The following TNKS variants were observed in gnomAD, a reference collection of about 807,000 sequenced individuals.
TNKS encodes tankyrase.
Under a neutral mutation model 135.8 loss-of-function variants are expected in TNKS, and 72 were observed. That is an observed-to-expected ratio of 0.53 (90% CI 0.44 to 0.64). TNKS has a LOEUF of 0.64. Among genes scored for constraint, TNKS ranks in the 30% least tolerant of loss-of-function variants. The pLI, the probability that TNKS is intolerant of heterozygous loss-of-function variation, is 0.00. For synonymous variants in TNKS, 849 were observed against 649.3 expected (o/e 1.31, Z -4.68); for missense variants, 1,769 against 1,674.0 (o/e 1.06, Z -0.99).
intron 18 of TNKS, among the ~76,000 whole-genome samples, chr8:9,750,733 G>C (rs1240932109): frequency 6.6e-6 from 1 of 152,190 alleles, no homozygotes; most frequent in Non-Finnish European, 1.5e-5. Flanking sequence ...CAAACCCACT[G>C]AGGGTTTAAC....
At chr8:9,755,635 G>A (rs570347361) in intron 20 of TNKS, among the ~76,000 whole-genome samples, 2 of 152,298 alleles carry the variant, frequency 1.3e-5, no homozygotes, top group East Asian at 3.9e-4. Flanking sequence ...AATATGTGAT[G>A]ATGGTCAATG....
chr8:9,686,448 A>G (rs552892116), intron 5 of TNKS, among the ~76,000 whole-genome samples: 1 of 152,186 alleles, frequency 6.6e-6, no homozygotes, highest in Non-Finnish European at 1.5e-5. Flanking sequence ...CAGGTAATTC[A>G]CTGCTGTTGG....
rs150060029 is a variant in TNKS at position 9,769,526 on chromosome 8, T to C, written c.3741-580T>C. 3.1e-3 allele frequency among the ~76,000 whole-genome samples: 469 copies of C among 152,158 alleles called. 3 individuals are homozygous for C. Among genetic ancestry groups the C allele is most frequent in the African/African-American group, 0.01 (435 of 41,508 alleles). On this transcript the variant is annotated intron_variant, in intron 25 of 26. Transcript: ENST00000310430. ...TTCCATCAGCTTATTTTCTTCACTT[T>C]CCACCTACCCATCCATGCAAGGGCT...
intron 3 of TNKS, among the ~76,000 whole-genome samples, chr8:9,632,761 A>G (rs1800342515): frequency 1.3e-5 from 2 of 151,910 alleles, no homozygotes; most frequent in Admixed American, 6.6e-5. Context: ...ATGGAGTCTC[A>G]CTCTGTCGCC....
chr8:9,698,295 T>G (rs1404354035), intron 5 of TNKS, among the ~76,000 whole-genome samples: 5 of 149,112 alleles, frequency 3.4e-5, no homozygotes, highest in African/African-American at 1.2e-4. Flanking sequence ...TTGGGTACCA[T>G]GCTCACTACT....
chr8:9,594,251 C>T (rs57000316), intron 2 of TNKS, among the ~76,000 whole-genome samples: 13,035 of 152,108 alleles, frequency 0.086, 619 homozygotes, highest in South Asian at 0.17. Context: ...TTCTTAACAG[C>T]ATTATTAGAA....
chr8:9,567,872 C>T (rs941178093), intron 1 of TNKS, among the ~76,000 whole-genome samples: 3 of 151,934 alleles, frequency 2.0e-5, no homozygotes, highest in Non-Finnish European at 2.9e-5. Flanking sequence ...TATGTAATGC[C>T]ACTGAACTCT....
intron 5 of TNKS, among the ~76,000 whole-genome samples, chr8:9,682,706 A>G (rs1029204361): frequency 1.3e-5 from 2 of 152,088 alleles, no homozygotes; most frequent in East Asian, 1.9e-4. Flanking sequence ...CTTGATAAAC[A>G]TAATTTTATC....
chr8:9,759,316 A>G (rs1807018586), intron 20 of TNKS, among the ~76,000 whole-genome samples: 1 of 152,198 alleles, frequency 6.6e-6, no homozygotes, highest in African/African-American at 2.4e-5. Context: ...CCTAATGTAA[A>G]AAGTAATTTC....
intron 17 of TNKS, among the ~76,000 whole-genome samples, chr8:9,740,055 TAAAAAAAAAAAAA>T (rs58285747): frequency 6.9e-5 from 6 of 87,450 alleles, no homozygotes; most frequent in East Asian, 3.6e-4. Flanking sequence ...TAGAGTATAA[TAAAAAAAAAAAAA>T]AAAAAAAAAA....
intron 3 of TNKS, among the ~76,000 whole-genome samples, chr8:9,676,341 T>G (rs907105336): frequency 1.3e-5 from 2 of 152,150 alleles, no homozygotes; most frequent in Non-Finnish European, 2.9e-5. Flanking sequence ...TCTCATTGCT[T>G]TAAGAATTTG....
intron 1 of TNKS, among the ~76,000 whole-genome samples, chr8:9,568,986 T>C (rs1195846502): frequency 2.0e-5 from 3 of 152,238 alleles, no homozygotes; most frequent in Non-Finnish European, 4.4e-5. Flanking sequence ...TTCTTGAAGC[T>C]GTGCAGATAT....
chr8:9,700,495 C>A (rs146347462), intron 5 of TNKS, among the ~76,000 whole-genome samples: 1 of 152,148 alleles, frequency 6.6e-6, no homozygotes, highest in Non-Finnish European at 1.5e-5. Flanking sequence ...TAGTGCCATA[C>A]GTGTAAGTCT....
chr8:9,780,797 T>C lies in TNKS; in HGVS notation c.*4061T>C, dbSNP rs111986298. 45 of 152,320 alleles carry C rather than the reference T, an allele frequency of 3.0e-4. No homozygotes were observed. Among genetic ancestry groups the C allele is most frequent in the African/African-American group, 9.9e-4 (41 of 41,572 alleles). 9.4% of individuals were successfully genotyped at this position (152,320 alleles called of 1,614,324 possible). A position where few individuals can be genotyped will look rare whatever the true frequency, so the allele number is the denominator to read the frequency against. On this transcript the variant is annotated 3_prime_UTR_variant, in exon 27 of 27. Transcript: ENST00000310430. ...TCATCTTATTTTATGATGGTATATT[T>C]CATAAGTAATATTCCCTTACATGCA...
At chr8:9,762,153 C>A (rs971321654) in intron 21 of TNKS, among the ~76,000 whole-genome samples, 2 of 152,188 alleles carry the variant, frequency 1.3e-5, no homozygotes, top group African/African-American at 4.8e-5. Context: ...TCCTCCCTCC[C>A]ACATGACTGT....
At chr8:9,639,720 G>T (rs547126530) in intron 3 of TNKS, among the ~76,000 whole-genome samples, 1 of 152,100 alleles carries the variant, frequency 6.6e-6, no homozygotes, top group Non-Finnish European at 1.5e-5. Flanking sequence ...ATGAGTTCTT[G>T]TTATCTTAGG....
At chr8:9,638,466 A>T (rs113932748) in intron 3 of TNKS, among the ~76,000 whole-genome samples, 9 of 152,370 alleles carry the variant, frequency 5.9e-5, no homozygotes, top group African/African-American at 2.2e-4. Flanking sequence ...ATGCCCATGC[A>T]GCTGCATCCA....
At chr8:9,590,494 T>C (rs1321012162) in intron 2 of TNKS, among the ~76,000 whole-genome samples, 1 of 152,202 alleles carries the variant, frequency 6.6e-6, no homozygotes, top group Non-Finnish European at 1.5e-5. Context: ...TACTTGTTTG[T>C]TTGCCATCTG....
At chr8:9,646,548 C>T (rs1433232277) in intron 3 of TNKS, among the ~76,000 whole-genome samples, 2 of 151,836 alleles carry the variant, frequency 1.3e-5, no homozygotes, top group Non-Finnish European at 2.9e-5. Context: ...TGGTGACTTC[C>T]CTAATCTCAT....
Sources: gnomAD v4.1 joint callset for allele counts (sites outside exome capture counted in the v4.1 genomes callset) on GRCh38, gnomAD v4.1.1 for gene constraint, MANE v1.5 for transcripts, NCBI Gene and HGNC (gene_info 2026-07-23, HGNC 2026-07-21) for gene names.